The following SYT1 variants were observed in gnomAD, a reference collection of about 807,000 sequenced individuals.
The protein encoded by SYT1 is synaptotagmin 1, also known as synaptotagmin-1.
Under a neutral mutation model 44.8 loss-of-function variants are expected in SYT1, and 8 were observed. The ratio of observed to expected loss-of-function variants is 0.18; its 90% confidence interval spans 0.10 to 0.32. The LOEUF (loss-of-function observed/expected upper bound fraction) is 0.32. Among genes scored for constraint, SYT1 ranks in the 10% least tolerant of loss-of-function variants. The probability of loss-of-function intolerance (pLI) is 1.00; values close to 1 mark genes in which losing one functional copy is unlikely to be tolerated. For missense variants in SYT1, 286 were observed against 509.3 expected, an observed-to-expected ratio of 0.56 and a Z score of 4.22; for synonymous variants, 154 against 188.8, an observed-to-expected ratio of 0.82 and a Z score of 1.51.
chr12:79,066,772 T>C (rs1463835179), intron 3 of SYT1, among the ~76,000 whole-genome samples: 1 of 152,174 alleles, frequency 6.6e-6, no homozygotes, highest in African/African-American at 2.4e-5. Flanking sequence ...TTTCACTTCC[T>C]TGTTATAACT....
intron 1 of SYT1, among the ~76,000 whole-genome samples, chr12:78,919,564 T>G (rs1876865839): frequency 6.6e-6 from 1 of 152,100 alleles, no homozygotes; most frequent in Admixed American, 6.6e-5. Context: ...GTAGTATATA[T>G]GCAGTATATA....
chr12:79,076,399 ATTT>A (rs1876651736), intron 3 of SYT1, among the ~76,000 whole-genome samples: 1 of 152,128 alleles, frequency 6.6e-6, no homozygotes, highest in African/African-American at 2.4e-5. Context: ...TGAACTCCAT[ATTT>A]AAAAAATAGA....
chr12:79,238,053 T>A (rs1876289044), intron 4 of SYT1, among the ~76,000 whole-genome samples: 1 of 151,838 alleles, frequency 6.6e-6, no homozygotes, highest in Non-Finnish European at 1.5e-5. Flanking sequence ...AACCAGAGAG[T>A]TGGTAAAAAG....
intron 3 of SYT1, among the ~76,000 whole-genome samples, chr12:79,108,156 A>C (rs1375760864): frequency 1.3e-5 from 2 of 151,954 alleles, no homozygotes; most frequent in Non-Finnish European, 1.5e-5. Flanking sequence ...ATAACAATAT[A>C]ATCTCTTGGG....
intron 3 of SYT1, among the ~76,000 whole-genome samples, chr12:79,158,590 C>T (rs1224608985): frequency 6.6e-6 from 1 of 151,900 alleles, no homozygotes; most frequent in Admixed American, 6.6e-5. Flanking sequence ...GGAAATATTT[C>T]TGAGTAATAA....
chr12:78,894,005 C>T lies in SYT1; in HGVS notation c.-217+28896C>T, dbSNP rs370540299. Among the ~76,000 whole-genome samples, 26 of 151,536 alleles carry T rather than the reference C, an allele frequency of 1.7e-4. No homozygotes were observed. In the East Asian group the frequency reaches 4.3e-3, roughly 25 times the overall value. ...ATCTGCAAAAATAAGCTGTTTTAAC[C>T]AATATTGGTGAGAGCACTGTGTTCT... On this transcript the variant is annotated intron_variant, in intron 1 of 10. Transcript: ENST00000261205.
intron 3 of SYT1, among the ~76,000 whole-genome samples, chr12:79,083,871 G>A (rs1218463327): frequency 2.0e-5 from 3 of 152,132 alleles, no homozygotes; most frequent in African/African-American, 7.2e-5. Context: ...GAACATCTTT[G>A]TGTTCATGGA....
chr12:79,156,458 TG>T lies in SYT1; in HGVS notation c.-17-61044del, dbSNP rs1870600751. Among the ~76,000 whole-genome samples the T allele has an allele frequency of 4.6e-5, 7 of 152,084 alleles. 1 individual carries two copies. Among genetic ancestry groups the T allele is most frequent in the African/African-American group, 1.4e-4 (6 of 41,506 alleles). On this transcript the variant is annotated intron_variant, in intron 3 of 10. Coordinates refer to ENST00000261205, the MANE Select transcript of SYT1 (RefSeq NM_005639.3). ...TTGTTGCTGCTGTTGTTGTTGTTGT[TG>T]TTGTTGTTGTTCTTGTTGTTGTTGT...
intron 1 of SYT1, among the ~76,000 whole-genome samples, chr12:78,906,546 C>G (rs1565711087): frequency 1.3e-5 from 2 of 152,090 alleles, no homozygotes; most frequent in Non-Finnish European, 2.9e-5. Context: ...AAGGCCGTAA[C>G]AGCAGTAAAT....
intron 2 of SYT1, among the ~76,000 whole-genome samples, chr12:79,039,589 T>C (rs1873380186): frequency 6.6e-6 from 1 of 151,344 alleles, no homozygotes; most frequent in Non-Finnish European, 1.5e-5. Context: ...CTACCACATT[T>C]TTTATTTTTT....
intron 4 of SYT1, among the ~76,000 whole-genome samples, chr12:79,285,545 AGAAAAGTAATAGG>A (rs1308742791): frequency 6.6e-6 from 1 of 152,224 alleles, no homozygotes; most frequent in Non-Finnish European, 1.5e-5. Context: ...TGGAGAGTCA[AGAAAAGTAATAGG>A]GAGGAGATGA....
chr12:79,185,423 C>G (rs1241676059), intron 3 of SYT1, among the ~76,000 whole-genome samples: 1 of 151,932 alleles, frequency 6.6e-6, no homozygotes, highest in African/African-American at 2.4e-5. Context: ...TTTTACAGAA[C>G]AACTATTCCA....
intron 9 of SYT1, among the ~76,000 whole-genome samples, chr12:79,417,572 T>C (rs1478076189): frequency 1.3e-5 from 2 of 152,084 alleles, no homozygotes; most frequent in Non-Finnish European, 2.9e-5. Flanking sequence ...ATTTAATTGG[T>C]TTTAATTAGC....
rs1256912694 is a variant in SYT1, at chr12:79,174,233, G to A, written c.-17-43270G>A. 2.6e-5 allele frequency among the ~76,000 whole-genome samples: 4 copies of A among 152,050 alleles called. No homozygotes were observed. In the South Asian group the frequency reaches 6.2e-4, roughly 24 times the overall value. ...ATGCTTCTAAAAATGTTGGCACAAT[G>A]TGGTGTAAGCTAGTGGAGAAAGATG... On this transcript the variant is annotated intron_variant, in intron 3 of 10. Transcript: ENST00000261205.
chr12:79,280,945 G>A, intron 4 of SYT1, among the ~76,000 whole-genome samples: 1 of 150,442 alleles, frequency 6.6e-6, no homozygotes. Flanking sequence ...AAACCAAAAT[G>A]AGATACCACC....
chr12:79,082,427 C>T (rs543049207), intron 3 of SYT1, among the ~76,000 whole-genome samples: 49 of 152,130 alleles, frequency 3.2e-4, no homozygotes, highest in African/African-American at 1.2e-3. Flanking sequence ...CTACTATATC[C>T]CAGGAAGTAC....
At chr12:78,886,391 T>C (rs1874753556) in intron 1 of SYT1, among the ~76,000 whole-genome samples, 1 of 151,968 alleles carries the variant, frequency 6.6e-6, no homozygotes, top group African/African-American at 2.4e-5. Context: ...TTTAATTTCA[T>C]TTTAAACAAA....
In SYT1 at chr12:79,386,996, CAT is replaced by C. The variant is rs536061490; in HGVS notation, c.928+33379_928+33380del. Among the ~76,000 whole-genome samples the C allele has an allele frequency of 5.1e-3, 778 of 152,298 alleles. 5 individuals are homozygous for C. The highest frequency in any genetic ancestry group is 0.017 in the African/African-American group (702 of 41,564). On this transcript the variant is annotated intron_variant, in intron 9 of 10. Coordinates refer to ENST00000261205, the MANE Select transcript of SYT1 (RefSeq NM_005639.3). ...ATAGAGCCATTCTAAACATATCTGACATAGAGATGTCCGCCTGTCACCTGCCT... is the reference window on the plus strand; with the variant it reads ...ATAGAGCCATTCTAAACATATCTGACAGAGATGTCCGCCTGTCACCTGCCT...
chr12:79,223,820 G>A (rs1015050852), intron 4 of SYT1, among the ~76,000 whole-genome samples: 3 of 152,158 alleles, frequency 2.0e-5, no homozygotes, highest in Admixed American at 6.5e-5. Context: ...ATATAAGGCC[G>A]TGGTAGTCTG....
Sources: allele counts gnomAD v4.1 joint callset (sites outside exome capture counted in the v4.1 genomes callset), GRCh38; gene constraint gnomAD v4.1.1; transcripts MANE v1.5; gene names NCBI Gene and HGNC (gene_info 2026-07-23, HGNC 2026-07-21).